RFC5: variants seen among roughly 807,000 people sequenced by gnomAD.
RFC5 encodes A1 36 kDa subunit.
Under a neutral mutation model 44.3 loss-of-function variants are expected in RFC5, and 26 were observed. That is an observed-to-expected ratio of 0.59 (90% CI 0.43 to 0.81). The LOEUF (loss-of-function observed/expected upper bound fraction) is 0.81, where lower values mean the gene tolerates loss of function less well. RFC5 is among the 40% of genes least tolerant of loss of function. The pLI is 0.00. For synonymous variants in RFC5, 155 were observed against 155.2 expected, an observed-to-expected ratio of 1.00 and a Z score of 0.01; for missense variants, 328 against 418.6, an observed-to-expected ratio of 0.78 and a Z score of 1.89.
rs116088428 is a variant in RFC5 at position 118,017,376 on chromosome 12, C to T, written c.65+484C>T. Among the ~76,000 whole-genome samples, 1,113 of 152,268 alleles carry T rather than the reference C, an allele frequency of 7.3e-3. 14 individuals carry two copies. Among genetic ancestry groups the T allele is most frequent in the African/African-American group, 0.025 (1,056 of 41,554 alleles). On this transcript the variant is annotated intron_variant, in intron 1 of 10. Coordinates refer to ENST00000454402, the MANE Select transcript of RFC5 (RefSeq NM_007370.7). Reference sequence around the variant, plus strand: ...TACAAAGACCGTAGGAGGTAGGCACCGCTTCAAATTTTACACAGGAGGAAA... The same window carrying T: ...TACAAAGACCGTAGGAGGTAGGCACTGCTTCAAATTTTACACAGGAGGAAA...
downstream of RFC5, chr12:118,036,423 CGGG>C (rs1566135727): frequency 1.2e-6 from 2 of 1,614,008 alleles, no homozygotes; most frequent in Non-Finnish European, 1.7e-6. Context: ...AGGGCAGAGT[CGGG>C]GGAGAAGTCA....
At chr12:118,040,631 C>T in the RFC5 span, among the ~76,000 whole-genome samples, 1 of 149,002 alleles carries the variant, frequency 6.7e-6, no homozygotes, top group East Asian at 2.0e-4. Context: ...CATGGTGGCA[C>T]ACACCTGGAG....
intron 6 of RFC5, chr12:118,025,417 AAGG>A (rs1382388028): frequency 9.0e-6 from 3 of 333,096 alleles, no homozygotes; most frequent in African/African-American, 4.1e-5. Context: ...GCTTGTTGTG[AAGG>A]AGGAGTTTCG....
intron 5 of RFC5, among the ~76,000 whole-genome samples, chr12:118,024,403 T>C (rs977252558): frequency 2.8e-4 from 42 of 152,046 alleles, no homozygotes; most frequent in African/African-American, 9.6e-4. Flanking sequence ...CCCTGTCTTG[T>C]CATAGGCTGC....
downstream of RFC5, chr12:118,033,962 C>T (rs534345652): frequency 2.6e-4 from 141 of 537,238 alleles, no homozygotes; most frequent in Middle Eastern, 1.0e-3. Flanking sequence ...GAAAATTTAA[C>T]GTAAGGCTCT....
At chr12:118,034,574 G>GCC, downstream of RFC5, 1 of 528,462 alleles carries the variant, frequency 1.9e-6, no homozygotes, top group Non-Finnish European at 3.3e-6. Context: ...ATACCAAAGC[G>GCC]CTCTCTCTGT....
At position 118,031,177 on chromosome 12, in the gene RFC5, G is replaced by C. The variant is rs2031300673; in HGVS notation, c.927-5G>C. On this transcript the variant is annotated splice_polypyrimidine_tract_variant and splice_region_variant and intron_variant, in intron 10 of 10. Transcript: ENST00000454402. ...TTTTCTTACCCTGTGTTTGGTTTCT[G>C]TTAGGTACAGGCTTTCTGTTGGCAC... is the stretch of plus-strand genomic sequence containing the variant. 6.2e-7 allele frequency: 1 copy of C among 1,609,842 alleles called. No individual in the cohort carries two copies. Among genetic ancestry groups the C allele is most frequent in the African/African-American group, 1.3e-5 (1 of 74,840 alleles).
At chr12:118,038,450 G>A in the RFC5 span, 25 of 1,503,722 alleles carry the variant, frequency 1.7e-5, no homozygotes, top group African/African-American at 1.1e-4. Context: ...ACTGGAGAAC[G>A]GGAGAACTGG....
rs754516821 is a variant in RFC5, at chr12:118,031,161, C to G, written c.927-21C>G. The G allele has an allele frequency of 1.9e-6, 3 of 1,569,020 alleles. No homozygotes were observed. In the Admixed American group the frequency reaches 5.2e-5, roughly 27 times the overall value. On this transcript the variant is annotated intron_variant, in intron 10 of 10. Coordinates refer to ENST00000454402, the MANE Select transcript of RFC5 (RefSeq NM_007370.7). Reference sequence around the variant, plus strand: ...CTGTGTTTGGTGTCTTTTTTCTTACCCTGTGTTTGGTTTCTGTTAGGTACA... The same window carrying G: ...CTGTGTTTGGTGTCTTTTTTCTTACGCTGTGTTTGGTTTCTGTTAGGTACA...
At position 118,016,776 on chromosome 12, in the gene RFC5, G is replaced by A; in HGVS notation, c.-52G>A. The A allele has an allele frequency of 2.0e-6, 3 of 1,510,454 alleles. No homozygotes were observed. The highest frequency in any genetic ancestry group is 2.7e-6 in the Non-Finnish European group (3 of 1,102,050). 93.6% of individuals were successfully genotyped at this position (1,510,454 alleles called of 1,614,324 possible). A position where few individuals can be genotyped will look rare whatever the true frequency, so the allele number is the denominator to read the frequency against. ...GGTCGCGGCTGGTCACTGTGCAGGC[G>A]CTTGGGTGACGCGACGATCTCAGCG... is the stretch of plus-strand genomic sequence containing the variant. On this transcript the variant is annotated 5_prime_UTR_variant, in exon 1 of 11. Transcript: ENST00000454402.
At chr12:118,030,757 G>A (rs1295404708) in intron 10 of RFC5, among the ~76,000 whole-genome samples, 3 of 152,152 alleles carry the variant, frequency 2.0e-5, no homozygotes, top group Admixed American at 6.5e-5. Context: ...ACCTGCCTCA[G>A]CCTCCTGAGG....
downstream of RFC5, chr12:118,036,376 C>T (rs559591879): frequency 3.1e-5 from 50 of 1,614,176 alleles, no homozygotes; most frequent in South Asian, 5.3e-4. Context: ...AGGGGTCCCA[C>T]ATAATCACAT....
intron 3 of RFC5, among the ~76,000 whole-genome samples, chr12:118,020,127 G>A (rs1280620492): frequency 6.6e-6 from 1 of 152,220 alleles, no homozygotes; most frequent in Admixed American, 6.5e-5. Context: ...CTGACTATAA[G>A]CTCACTTACC....
chr12:118,021,361 G>A (rs2030477849), intron 4 of RFC5, among the ~76,000 whole-genome samples: 1 of 151,966 alleles, frequency 6.6e-6, no homozygotes, highest in African/African-American at 2.4e-5. Flanking sequence ...ACAGTCGTGA[G>A]CCATCACGCC....
At chr12:118,035,140 G>A (rs777464085), downstream of RFC5, 22 of 1,612,456 alleles carry the variant, frequency 1.4e-5, no homozygotes, top group African/African-American at 2.7e-5. Flanking sequence ...CCCAGGGCCA[G>A]ACCAAGAGGG....
intron 6 of RFC5, chr12:118,025,250 T>C (rs2030855923): frequency 2.3e-6 from 1 of 443,558 alleles, no homozygotes; most frequent in Non-Finnish European, 4.0e-6. Context: ...CTGGAAGCTG[T>C]CCCAATTTCC....
chr12:118,041,318 G>A, the RFC5 span, among the ~76,000 whole-genome samples: 1 of 152,148 alleles, frequency 6.6e-6, no homozygotes, highest in African/African-American at 2.4e-5. Context: ...TGCCAGATGA[G>A]GATGCAGAGA....
chr12:118,017,621 TG>T, intron 1 of RFC5: 2 of 1,039,802 alleles, frequency 1.9e-6, no homozygotes, highest in Non-Finnish European at 2.4e-6. Flanking sequence ...GTCTTTATTG[TG>T]GTTAAAAAAA....
At chr12:118,038,352 C>T in the RFC5 span, 1 of 1,614,050 alleles carries the variant, frequency 6.2e-7, no homozygotes, top group Non-Finnish European at 8.5e-7. Flanking sequence ...GCAGTAAACC[C>T]ACTGCAGGTG....
Sources: allele counts gnomAD v4.1 joint callset (sites outside exome capture counted in the v4.1 genomes callset), GRCh38; gene constraint gnomAD v4.1.1; transcripts MANE v1.5; gene names NCBI Gene and HGNC (gene_info 2026-07-23, HGNC 2026-07-21).